DPYD: variants seen among roughly 807,000 people sequenced by gnomAD.
DPYD encodes dihydropyrimidine dehydrogenase, also known as dihydropyrimidine dehydrogenase [NADP(+)].
DPYD carries 109 observed loss-of-function variants against 116.2 expected under a neutral mutation model. That is an observed-to-expected ratio of 0.94 (90% confidence interval 0.80 to 1.10). The LOEUF (loss-of-function observed/expected upper bound fraction) is 1.10, where lower values mean the gene tolerates loss of function less well. Among genes scored for constraint, DPYD ranks in the 50% least tolerant of loss-of-function variants. DPYD has a pLI of 0.00. For synonymous variants in DPYD, 440 were observed against 432.0 expected, an observed-to-expected ratio of 1.02 and a Z score of -0.23; for missense variants, 1,302 against 1,254.5, an observed-to-expected ratio of 1.04 and a Z score of -0.57.
Position 97,529,184 on chromosome 1 carries a change from A to G in DPYD, c.1525-13243T>C, listed in dbSNP as rs934263329. Among the ~76,000 whole-genome samples, 6 of 152,304 alleles carry G rather than the reference A, an allele frequency of 3.9e-5. No individual in the cohort carries two copies. In the East Asian group the frequency reaches 1.2e-3, roughly 29 times the overall value. On this transcript the variant is annotated intron_variant, in intron 12 of 22. Coordinates refer to ENST00000370192, the MANE Select transcript of DPYD (RefSeq NM_000110.4). Reference sequence around the variant, plus strand: ...TACCAGCTCTTTAGCAACCTGAGGTAGTATCACCAATGAGCCAAGTGAACT... The same window carrying G: ...TACCAGCTCTTTAGCAACCTGAGGTGGTATCACCAATGAGCCAAGTGAACT...
chr1:97,711,528 T>G (rs1202106929), intron 5 of DPYD, among the ~76,000 whole-genome samples: 2 of 151,980 alleles, frequency 1.3e-5, no homozygotes, highest in African/African-American at 2.4e-5. Flanking sequence ...GTTGAATCAT[T>G]GTAAGTCAGG....
At chr1:97,766,411 C>T (rs564910126) in intron 3 of DPYD, among the ~76,000 whole-genome samples, 8 of 152,096 alleles carry the variant, frequency 5.3e-5, no homozygotes, top group East Asian at 1.9e-4. Context: ...CAAAACAGCA[C>T]TCACCCATTT....
At chr1:97,427,155 C>T (rs186156387) in intron 14 of DPYD, among the ~76,000 whole-genome samples, 2 of 152,106 alleles carry the variant, frequency 1.3e-5, no homozygotes, top group Admixed American at 6.6e-5. Context: ...AAAAGGAGGG[C>T]TATATATCCA....
chr1:97,115,767 A>G (rs1339517663), intron 20 of DPYD, among the ~76,000 whole-genome samples: 4 of 152,178 alleles, frequency 2.6e-5, no homozygotes, highest in Non-Finnish European at 4.4e-5. Context: ...GTAATTTAGA[A>G]TGGTAGATAT....
At chr1:97,769,499 C>T (rs1666039276) in intron 3 of DPYD, among the ~76,000 whole-genome samples, 1 of 152,066 alleles carries the variant, frequency 6.6e-6, no homozygotes, top group African/African-American at 2.4e-5. Context: ...GTGGTTAAAA[C>T]ACTCTGTTTT....
chr1:97,595,356 A>C (rs1349147828), intron 8 of DPYD, among the ~76,000 whole-genome samples, 190 bp from the exon 9 acceptor site: 1 of 152,150 alleles, frequency 6.6e-6, no homozygotes, highest in African/African-American at 2.4e-5. Context: ...TATATCTTTA[A>C]TATATAACCA....
chr1:97,473,711 T>C (rs544765412), intron 13 of DPYD, among the ~76,000 whole-genome samples: 1 of 152,198 alleles, frequency 6.6e-6, no homozygotes, highest in East Asian at 1.9e-4. Flanking sequence ...ATAGCTATTA[T>C]TGAAAACAGT....
At chr1:97,597,096 T>A (rs1654939204) in intron 8 of DPYD, among the ~76,000 whole-genome samples, 1 of 152,330 alleles carries the variant, frequency 6.6e-6, no homozygotes, top group Admixed American at 6.5e-5. Flanking sequence ...TAGCTGAATA[T>A]GTTCTTGAAG....
At chr1:97,198,672 G>A (rs183266319) in intron 19 of DPYD, among the ~76,000 whole-genome samples, 1 of 152,154 alleles carries the variant, frequency 6.6e-6, no homozygotes, top group Non-Finnish European at 1.5e-5. Context: ...TTGTTTAACA[G>A]CTCTGATTAG....
chr1:97,800,838 T>C (rs555913726), intron 3 of DPYD, among the ~76,000 whole-genome samples: 1 of 152,040 alleles, frequency 6.6e-6, no homozygotes, highest in South Asian at 2.1e-4. Context: ...AACTTTCATC[T>C]CTTCTGTTGT....
intron 3 of DPYD, among the ~76,000 whole-genome samples, chr1:97,759,605 G>A (rs1055644776): frequency 3.3e-5 from 5 of 151,966 alleles, no homozygotes; most frequent in African/African-American, 1.2e-4. Flanking sequence ...TTCAGTACTG[G>A]TATTTTTTCA....
intron 20 of DPYD, among the ~76,000 whole-genome samples, chr1:97,145,197 AT>A (rs570418351): frequency 1.3e-5 from 2 of 152,028 alleles, no homozygotes; most frequent in Admixed American, 1.3e-4. Context: ...CTAATGGTTG[AT>A]TTTTTTTCTC....
At chr1:97,427,780 C>T (rs1456563221) in intron 14 of DPYD, among the ~76,000 whole-genome samples, 2 of 151,966 alleles carry the variant, frequency 1.3e-5, no homozygotes, top group African/African-American at 4.8e-5. Flanking sequence ...GCCCCTTTGC[C>T]CACTCAGCCA....
intron 19 of DPYD, among the ~76,000 whole-genome samples, chr1:97,208,893 T>C (rs1351421264): frequency 6.6e-6 from 1 of 152,158 alleles, no homozygotes; most frequent in Non-Finnish European, 1.5e-5. Flanking sequence ...TGCGTTTGAT[T>C]CAGAGGTAAG....
intron 3 of DPYD, among the ~76,000 whole-genome samples, chr1:97,812,165 T>A (rs58735833): frequency 0.017 from 2,539 of 152,264 alleles, 74 homozygotes; most frequent in African/African-American, 0.059. Flanking sequence ...CTGGCTTCCA[T>A]CTAAATACTT....
intron 12 of DPYD, among the ~76,000 whole-genome samples, chr1:97,522,889 C>A (rs1362773667): frequency 6.6e-6 from 1 of 152,018 alleles, no homozygotes; most frequent in Non-Finnish European, 1.5e-5. Flanking sequence ...ACATTTTTAT[C>A]TTTAATAATT....
intron 4 of DPYD, among the ~76,000 whole-genome samples, chr1:97,735,466 G>A (rs1484634240): frequency 1.3e-5 from 2 of 150,924 alleles, no homozygotes; most frequent in East Asian, 1.9e-4. Context: ...CACGAGGTCA[G>A]GAGTTGGAAA....
At chr1:97,219,969 A>G (rs1007469012) in intron 19 of DPYD, among the ~76,000 whole-genome samples, 7 of 152,082 alleles carry the variant, frequency 4.6e-5, no homozygotes, top group African/African-American at 1.4e-4. Context: ...GCTCACTTGT[A>G]TAACTACGCC....
chr1:97,398,193 G>A (rs544556360), intron 14 of DPYD, among the ~76,000 whole-genome samples: 162 of 152,152 alleles, frequency 1.1e-3, no homozygotes, highest in African/African-American at 3.7e-3. Flanking sequence ...GAGAACATGC[G>A]GTGTTTGGAT....
Sources: gnomAD v4.1 joint callset for allele counts (sites outside exome capture counted in the v4.1 genomes callset) on GRCh38, gnomAD v4.1.1 for gene constraint, MANE v1.5 for transcripts, NCBI Gene and HGNC (gene_info 2026-07-23, HGNC 2026-07-21) for gene names.